Variants in SMYD3 observed in about 807,000 individuals in gnomAD.
SMYD3 encodes histone-lysine N-methyltransferase SMYD3.
A neutral mutation model predicts 57.7 loss-of-function variants in SMYD3; 36 were observed. The ratio of observed to expected loss-of-function variants is 0.62; its 90% CI spans 0.48 to 0.82. The LOEUF (loss-of-function observed/expected upper bound fraction) is 0.82, where lower values mean the gene tolerates loss of function less well. Among genes scored for constraint, SMYD3 ranks in the 40% least tolerant of loss-of-function variants. The probability of loss-of-function intolerance (pLI) is 0.00; values close to 1 mark genes in which losing one functional copy is unlikely to be tolerated. For missense variants in SMYD3, 515 were observed against 538.8 expected (o/e 0.96, Z 0.44); for synonymous variants, 211 against 195.0 (o/e 1.08, Z -0.68).
intron 10 of SMYD3, among the ~76,000 whole-genome samples, chr1:245,825,553 G>A (rs1047105483): frequency 1.3e-5 from 2 of 152,138 alleles, no homozygotes; most frequent in African/African-American, 2.4e-5. Context: ...TAGGCGGGCC[G>A]AGGCCATGCG....
intron 5 of SMYD3, among the ~76,000 whole-genome samples, chr1:245,953,822 C>A (rs527433881): frequency 2.6e-5 from 4 of 152,302 alleles, no homozygotes; most frequent in Admixed American, 2.6e-4. Context: ...GTTCTTCAAA[C>A]AAACACAGGA....
Position 246,195,920 on chromosome 1 carries a change from T to C in SMYD3, c.531+131281A>G, listed in dbSNP as rs78827979. Among the ~76,000 whole-genome samples, 455 of 152,262 alleles carry C rather than the reference T, an allele frequency of 3.0e-3. 3 individuals carry two copies. The highest frequency in any genetic ancestry group is 0.01 in the African/African-American group (428 of 41,548). ...TGCAGTGGTTGGCTGCCTGTGATAA[T>C]AGGCTGCCTTTCACCTGAAAGAATG... is the stretch of plus-strand genomic sequence containing the variant. On this transcript the variant is annotated intron_variant, in intron 5 of 11. Coordinates refer to ENST00000490107, the MANE Select transcript of SMYD3 (RefSeq NM_001167740.2).
rs115838750 is a variant in SMYD3, at chr1:245,844,649, C to T, written c.1076+13847G>A. On this transcript the variant is annotated intron_variant, in intron 10 of 11. Coordinates refer to ENST00000490107, the MANE Select transcript of SMYD3 (RefSeq NM_001167740.2). Reference sequence around the variant, plus strand: ...TCTCTTTTAGTCCCAAGAACGCTAACGGCCTGCAGTCTTAGGGTTCTATGC... The same window carrying T: ...TCTCTTTTAGTCCCAAGAACGCTAATGGCCTGCAGTCTTAGGGTTCTATGC... 4.3e-4 allele frequency among the ~76,000 whole-genome samples: 65 copies of T among 149,558 alleles called. 1 individual carries two copies. Among genetic ancestry groups the T allele is most frequent in the Non-Finnish European group, 7.2e-4 (49 of 67,716 alleles).
chr1:246,364,555 T>C (rs1425797423), intron 1 of SMYD3, among the ~76,000 whole-genome samples: 2 of 152,204 alleles, frequency 1.3e-5, no homozygotes, highest in African/African-American at 4.8e-5. Flanking sequence ...TACACACTGC[T>C]AAGGCATCAC....
At chr1:245,896,642 A>T (rs1219521084) in intron 8 of SMYD3, among the ~76,000 whole-genome samples, 1 of 152,316 alleles carries the variant, frequency 6.6e-6, no homozygotes, top group East Asian at 1.9e-4. Flanking sequence ...CGGGATAAAC[A>T]AAACCAGGGC....
At chr1:246,091,197 G>A (rs529544669) in intron 5 of SMYD3, among the ~76,000 whole-genome samples, 45 of 152,296 alleles carry the variant, frequency 3.0e-4, no homozygotes, top group African/African-American at 8.2e-4. Context: ...TGTTGGCCAC[G>A]TGTGAACAAG....
chr1:245,889,976 C>T (rs1426482930), intron 8 of SMYD3, among the ~76,000 whole-genome samples: 1 of 152,102 alleles, frequency 6.6e-6, no homozygotes, highest in South Asian at 2.1e-4. Context: ...GTGCCAAGAA[C>T]ATACACTGGG....
At chr1:246,232,709 A>G (rs12118671) in intron 5 of SMYD3, among the ~76,000 whole-genome samples, 3,051 of 129,358 alleles carry the variant, frequency 0.024, 313 homozygotes, top group East Asian at 0.18. Context: ...GAGGAGAAGC[A>G]CTCCTTCAAT....
At position 246,052,344 on chromosome 1, in the gene SMYD3, G is replaced by A. The variant is rs372342521; in HGVS notation, c.532-122407C>T. On this transcript the variant is annotated intron_variant, in intron 5 of 11. Coordinates refer to ENST00000490107, the MANE Select transcript of SMYD3 (RefSeq NM_001167740.2). ...ACGGCATGTGATCAGACAACTCTGG[G>A]GAATGCTAATGATTTCCTATGTGAT... Among the ~76,000 whole-genome samples the A allele has an allele frequency of 2.0e-5, 3 of 152,202 alleles. No homozygotes were observed. In the East Asian group the frequency reaches 5.8e-4, roughly 29 times the overall value.
At chr1:246,095,593 A>G (rs2060900258) in intron 5 of SMYD3, among the ~76,000 whole-genome samples, 1 of 152,222 alleles carries the variant, frequency 6.6e-6, no homozygotes, top group African/African-American at 2.4e-5. Flanking sequence ...ACACAAGGAA[A>G]GGGCAGGCTG....
chr1:246,378,726 T>TATATATAATTATATAATATA (rs58702520), intron 1 of SMYD3, among the ~76,000 whole-genome samples: 1 of 89,862 alleles, frequency 1.1e-5, no homozygotes, highest in African/African-American at 4.7e-5. Context: ...TATAATATAT[T>TATATATAATTATATAATATA]ATATATTATA....
At chr1:246,290,133 AT>A in intron 5 of SMYD3, among the ~76,000 whole-genome samples, 1 of 152,326 alleles carries the variant, frequency 6.6e-6, no homozygotes, top group African/African-American at 2.4e-5. Flanking sequence ...ACATTAGCAT[AT>A]GAAGAGAGGA....
chr1:245,963,522 A>G (rs10924411), intron 5 of SMYD3, among the ~76,000 whole-genome samples: 1 of 151,292 alleles, frequency 6.6e-6, no homozygotes. Context: ...GGGAGGGATA[A>G]GCTTTTGTGA....
chr1:246,491,980 G>C (rs1456149413), intron 1 of SMYD3, among the ~76,000 whole-genome samples: 1 of 152,172 alleles, frequency 6.6e-6, no homozygotes, highest in African/African-American at 2.4e-5. Context: ...ACTAAAGCTA[G>C]AGCCTGTTCT....
intron 5 of SMYD3, among the ~76,000 whole-genome samples, chr1:245,945,038 G>GA (rs1481649432): frequency 3.3e-5 from 5 of 151,940 alleles, no homozygotes; most frequent in Non-Finnish European, 1.5e-5. Context: ...AAAAACTCCA[G>GA]AAAAAAATCT....
At chr1:246,500,852 C>T (rs1317801702) in intron 1 of SMYD3, among the ~76,000 whole-genome samples, 3 of 152,184 alleles carry the variant, frequency 2.0e-5, no homozygotes, top group East Asian at 1.9e-4. Flanking sequence ...TTCACCAGGG[C>T]TCAGCCATAA....
chr1:246,297,488 A>G (rs10802388), intron 5 of SMYD3, among the ~76,000 whole-genome samples: 16,137 of 152,178 alleles, frequency 0.11, 1,715 homozygotes, highest in African/African-American at 0.27. Context: ...TTTGTCTTAT[A>G]TTCTAAGATC....
At chr1:246,154,662 A>G (rs542604686) in intron 5 of SMYD3, among the ~76,000 whole-genome samples, 2 of 152,364 alleles carry the variant, frequency 1.3e-5, no homozygotes, top group East Asian at 1.9e-4. Context: ...CAACAGAGAA[A>G]CAGCTCTTGG....
chr1:246,090,782 G>T (rs146412374), intron 5 of SMYD3, among the ~76,000 whole-genome samples: 1 of 152,010 alleles, frequency 6.6e-6, no homozygotes, highest in Non-Finnish European at 1.5e-5. Context: ...CTCCCAAAGC[G>T]CTGGGATTAC....
Sources: allele counts gnomAD v4.1 joint callset (sites outside exome capture counted in the v4.1 genomes callset), GRCh38; gene constraint gnomAD v4.1.1; transcripts MANE v1.5; gene names NCBI Gene and HGNC (gene_info 2026-07-23, HGNC 2026-07-21).